SLC51B: variants seen among roughly 807,000 people sequenced by gnomAD.
SLC51B encodes organic solute transporter subunit beta.
SLC51B carries 6 observed loss-of-function variants against 8.0 expected under a neutral mutation model. The ratio of observed to expected loss-of-function variants is 0.75; its 90% CI spans 0.41 to 1.48. The LOEUF (loss-of-function observed/expected upper bound fraction) is 1.48. Ranked by LOEUF, SLC51B falls within the 40% of genes most tolerant of loss-of-function variation. The probability of loss-of-function intolerance (pLI) is 0.01; values close to 1 mark genes in which losing one functional copy is unlikely to be tolerated. For synonymous variants in SLC51B, 61 were observed against 54.8 expected (o/e 1.11, Z -0.50); for missense variants, 150 against 149.7 (o/e 1.00, Z -0.01).
intron 1 of SLC51B, among the ~76,000 whole-genome samples, chr15:65,046,111 G>A (rs1175936897): frequency 6.6e-6 from 1 of 152,174 alleles, no homozygotes; most frequent in Non-Finnish European, 1.5e-5. Context: ...GACCAGCCTG[G>A]CCAATGTGGT....
intron 1 of SLC51B, among the ~76,000 whole-genome samples, chr15:65,047,653 A>G (rs2086593901): frequency 6.6e-6 from 1 of 152,184 alleles, no homozygotes; most frequent in Non-Finnish European, 1.5e-5. Flanking sequence ...GAATGTCACA[A>G]TCCTTCTTGG....
At chr15:65,048,996 T>TGAGA (rs1298447032) in intron 1 of SLC51B, among the ~76,000 whole-genome samples, 1 of 128,312 alleles carries the variant, frequency 7.8e-6, no homozygotes, top group African/African-American at 3.0e-5. Flanking sequence ...GGCGACAGAG[T>TGAGA]GAGACTCCGT....
intron 2 of SLC51B, among the ~76,000 whole-genome samples, chr15:65,050,836 C>CTTTTTTTTTTTTTTTTTTTTTTTTTTTT (rs57404080): frequency 2.1e-5 from 2 of 95,650 alleles, no homozygotes; most frequent in Non-Finnish European, 1.9e-5. Context: ...TCTTCTTCTT[C>CTTTTTTTTTTTTTTTTTTTTTTTTTTTT]TTTTTTTTTT....
chr15:65,047,627 C>T (rs775938173), intron 1 of SLC51B, among the ~76,000 whole-genome samples: 7 of 152,196 alleles, frequency 4.6e-5, no homozygotes, highest in Non-Finnish European at 8.8e-5. Context: ...GGCACTCTTA[C>T]ATCTGAGACT....
intron 1 of SLC51B, among the ~76,000 whole-genome samples, chr15:65,045,941 C>G (rs184116674): frequency 5.7e-4 from 86 of 151,666 alleles, no homozygotes; most frequent in African/African-American, 2.0e-3. Flanking sequence ...CGAGGCAGGC[C>G]GATCACCTGA....
At chr15:65,047,412 T>C (rs371042225) in intron 1 of SLC51B, among the ~76,000 whole-genome samples, 37 of 151,746 alleles carry the variant, frequency 2.4e-4, no homozygotes, top group African/African-American at 8.2e-4. Flanking sequence ...TGGAATTACA[T>C]GTATTGTTCT....
In SLC51B at chr15:65,053,104, G is replaced by A. The variant is rs1460147449; in HGVS notation, c.327G>A (p.Glu109=). ...CAAACTTGGCCCAGGTGGAACTTGA[G>A]TTAAAAGAGAGAGATGTGCTGTCAG... ...EKPNLAQVEL[E]LKERDVLSVF... The change falls in exon 4 of 4, where the codon GAG becomes GAA. Residue 109 remains glutamate (E), a synonymous_variant. Transcript: ENST00000334287. 12 of 1,614,076 alleles carry A rather than the reference G, an allele frequency of 7.4e-6. No individual in the cohort carries two copies. The highest frequency in any genetic ancestry group is 1.0e-5 in the Non-Finnish European group (12 of 1,180,056).
chr15:65,052,959 C>A lies in SLC51B; in HGVS notation c.189-7C>A, dbSNP rs1263328322. ...CCCCTCATTAACACTGTTCCCTGTC[C>A]CCCCAGAAAAGAAAAGATGCAGCCA... is the stretch of plus-strand genomic sequence containing the variant. On this transcript the variant is annotated splice_polypyrimidine_tract_variant and splice_region_variant and intron_variant, in intron 3 of 3. Coordinates refer to ENST00000334287, the MANE Select transcript of SLC51B (RefSeq NM_178859.4). 3 of 1,513,056 alleles carry A rather than the reference C, an allele frequency of 2.0e-6. No homozygotes were observed. The South Asian group carries it at 3.3e-5, about 17-fold the overall frequency. 93.7% of individuals were successfully genotyped at this position (1,513,056 alleles called of 1,614,324 possible).
intron 2 of SLC51B, among the ~76,000 whole-genome samples, chr15:65,050,830 C>CTTTTTTTTTTTTTTTTTTTTTTTTT (rs1206139825): frequency 2.1e-5 from 1 of 48,536 alleles, no homozygotes; most frequent in African/African-American, 5.3e-5. Flanking sequence ...CTTTCTTCTT[C>CTTTTTTTTTTTTTTTTTTTTTTTTT]TTCTTCTTTT....
In SLC51B at chr15:65,050,004, C is replaced by T; in HGVS notation, c.-1C>T. On this transcript the variant is annotated 5_prime_UTR_variant, in exon 2 of 4. Coordinates refer to ENST00000334287, the MANE Select transcript of SLC51B (RefSeq NM_178859.4). ...TTGCACACGCTACCAGGAGCAGGGG[C>T]ATGGAGCACAGTGAGGGGGCTCCCG... 6.4e-7 allele frequency: 1 copy of T among 1,550,450 alleles called. No individual in the cohort carries two copies. Among genetic ancestry groups the T allele is most frequent in the Non-Finnish European group, 8.7e-7 (1 of 1,146,266 alleles).
chr15:65,048,008 A>C (rs1365805329), intron 1 of SLC51B, among the ~76,000 whole-genome samples: 1 of 152,048 alleles, frequency 6.6e-6, no homozygotes, highest in Non-Finnish European at 1.5e-5. Flanking sequence ...AGGAAACCCC[A>C]TCATTACTAA....
intron 1 of SLC51B, among the ~76,000 whole-genome samples, chr15:65,047,648 T>A (rs2086593871): frequency 6.6e-6 from 1 of 152,206 alleles, no homozygotes; most frequent in Non-Finnish European, 1.5e-5. Flanking sequence ...GGATGGAATG[T>A]CACAATCCTT....
In SLC51B at chr15:65,050,102, G is replaced by GT; in HGVS notation, c.97+2dup. 1 of 1,551,316 alleles carries GT rather than the reference G, an allele frequency of 6.4e-7. No individual in the cohort carries two copies. Reference sequence around the variant, plus strand: ...CTTTGGTTTTTTCGTGTGGAAGATGGTAAGTGGTGAGAGATTGACGGCAGG... The same window carrying GT: ...CTTTGGTTTTTTCGTGTGGAAGATGGTTAAGTGGTGAGAGATTGACGGCAGG... On this transcript the variant is annotated splice_donor_variant, in intron 2 of 3. Transcript: ENST00000334287. LOFTEE classifies it high-confidence loss of function.
At chr15:65,051,169 G>T (rs953039018) in intron 2 of SLC51B, among the ~76,000 whole-genome samples, 1 of 151,616 alleles carries the variant, frequency 6.6e-6, no homozygotes, top group Non-Finnish European at 1.5e-5. Flanking sequence ...GTGCTCCGCA[G>T]GTCCAGCCCA....
chr15:65,051,775 C>G (rs1167606925), intron 3 of SLC51B, among the ~76,000 whole-genome samples, 170 bp downstream of exon 3: 2 of 151,024 alleles, frequency 1.3e-5, no homozygotes, highest in African/African-American at 4.9e-5. Flanking sequence ...TAAAAACAAA[C>G]AAACAAACAA....
intron 1 of SLC51B, among the ~76,000 whole-genome samples, chr15:65,047,776 A>T (rs777247008): frequency 6.9e-6 from 1 of 144,680 alleles, no homozygotes; most frequent in Non-Finnish European, 1.5e-5. Flanking sequence ...ATAGATAGAT[A>T]GACAGATAGA....
At chr15:65,050,136 T>A (rs559564091) in intron 2 of SLC51B, 35 bp downstream of exon 2, 2 of 1,516,738 alleles carry the variant, frequency 1.3e-6, no homozygotes, top group African/African-American at 2.8e-5. Context: ...GGGGTGGGGG[T>A]GTGCCCCTCA....
rs756239604 is a variant in SLC51B at position 65,051,504 on chromosome 15, T to A, written c.98-11T>A. ...ATTCCTCAGGGCTCTGTCCTGTGTG[T>A]CCTTCCCCAGCATCTCCCTGGAATC... On this transcript the variant is annotated splice_polypyrimidine_tract_variant and intron_variant, in intron 2 of 3. Transcript: ENST00000334287. 1 of 1,613,084 alleles carries A rather than the reference T, an allele frequency of 6.2e-7. No homozygotes were observed. The highest frequency in any genetic ancestry group is 8.5e-7 in the Non-Finnish European group (1 of 1,179,308).
At chr15:65,052,326 G>A (rs1387165847) in intron 3 of SLC51B, among the ~76,000 whole-genome samples, 1 of 151,812 alleles carries the variant, frequency 6.6e-6, no homozygotes, top group Non-Finnish European at 1.5e-5. Flanking sequence ...GAGACAGTGT[G>A]GTTAGGTGAA....
Sources: allele counts gnomAD v4.1 joint callset (sites outside exome capture counted in the v4.1 genomes callset), GRCh38; gene constraint gnomAD v4.1.1; transcripts MANE v1.5; gene names NCBI Gene and HGNC (gene_info 2026-07-23, HGNC 2026-07-21).